AOPEP: variants seen among roughly 807,000 people sequenced by gnomAD.
AOPEP encodes aminopeptidase O (putative), also known as aminopeptidase O.
AOPEP carries 77 observed loss-of-function variants against 98.1 expected under a neutral mutation model. The observed-to-expected ratio is 0.78, with a 90% CI of 0.65 to 0.95. The LOEUF (loss-of-function observed/expected upper bound fraction) is 0.95. Among genes scored for constraint, AOPEP ranks in the 40% least tolerant of loss-of-function variants. The pLI is 0.00. For missense variants in AOPEP, 1,024 were observed against 1,024.7 expected (o/e 1.00, Z 0.01); for synonymous variants, 346 against 365.3 (o/e 0.95, Z 0.60).
At chr9:94,962,049 G>A (rs140887804) in intron 9 of AOPEP, among the ~76,000 whole-genome samples, 31 of 152,312 alleles carry the variant, frequency 2.0e-4, no homozygotes, top group Admixed American at 1.2e-3. Context: ...AAGCTCCACT[G>A]GAGTTGTATA....
At chr9:94,876,272 T>G (rs2046923163) in intron 5 of AOPEP, among the ~76,000 whole-genome samples, 1 of 152,114 alleles carries the variant, frequency 6.6e-6, no homozygotes, top group South Asian at 2.1e-4. Flanking sequence ...TGACAAAACC[T>G]TGGAAAACCC....
intron 1 of AOPEP, among the ~76,000 whole-genome samples, chr9:94,729,654 T>C (rs1315039624): frequency 6.6e-5 from 10 of 151,990 alleles, no homozygotes; most frequent in Admixed American, 6.6e-4. Flanking sequence ...AATTCTCTGC[T>C]GTGGGGGGCT....
chr9:95,012,951 C>T (rs1251300573), intron 13 of AOPEP, among the ~76,000 whole-genome samples: 1 of 87,376 alleles, frequency 1.1e-5, no homozygotes, highest in Non-Finnish European at 2.2e-5. Flanking sequence ...AGGTTTTCAT[C>T]AAAGTATATT....
At chr9:95,046,346 G>C (rs1436439378) in intron 13 of AOPEP, among the ~76,000 whole-genome samples, 1 of 152,208 alleles carries the variant, frequency 6.6e-6, no homozygotes, top group Non-Finnish European at 1.5e-5. Flanking sequence ...TTGTGTGAGC[G>C]ATGAGGCTGA....
At chr9:95,128,097 G>A in the AOPEP span, among the ~76,000 whole-genome samples, 13 of 152,150 alleles carry the variant, frequency 8.5e-5, no homozygotes, top group Admixed American at 3.3e-4. Flanking sequence ...AGGTTATTTC[G>A]TGGCTTCGAA....
At chr9:94,897,383 T>C (rs1264907925) in intron 5 of AOPEP, among the ~76,000 whole-genome samples, 1 of 152,152 alleles carries the variant, frequency 6.6e-6, no homozygotes, top group African/African-American at 2.4e-5. Flanking sequence ...TTTGGAAATT[T>C]AGCTGCATAC....
downstream of AOPEP, among the ~76,000 whole-genome samples, chr9:95,088,471 A>T (rs939869662): frequency 1.1e-4 from 17 of 151,998 alleles, no homozygotes; most frequent in African/African-American, 3.9e-4. Flanking sequence ...GGCCTCCCAA[A>T]GTGCCGGGAT....
chr9:95,135,426 G>A, the AOPEP span: 2 of 1,613,872 alleles, frequency 1.2e-6, no homozygotes, highest in South Asian at 2.2e-5. Context: ...AAAAGATGCA[G>A]CATTGCTTTT....
intron 7 of AOPEP, among the ~76,000 whole-genome samples, chr9:94,929,521 G>A (rs1363195954): frequency 6.6e-6 from 1 of 152,284 alleles, no homozygotes; most frequent in African/African-American, 2.4e-5. Flanking sequence ...CCCTGCGCTT[G>A]CACGCTAAGG....
At chr9:94,731,644 T>C (rs1018226634) in intron 1 of AOPEP, among the ~76,000 whole-genome samples, 3 of 152,164 alleles carry the variant, frequency 2.0e-5, no homozygotes, top group Non-Finnish European at 4.4e-5. Context: ...CTATGTGATA[T>C]ACTTTTAGAG....
chr9:95,022,789 T>G (rs2063559052), intron 13 of AOPEP, among the ~76,000 whole-genome samples: 1 of 152,166 alleles, frequency 6.6e-6, no homozygotes, highest in Admixed American at 6.5e-5. Context: ...TGTAGTTTTC[T>G]TAGCAGGAAA....
chr9:94,762,991 C>T (rs898309135), intron 2 of AOPEP: 13 of 238,740 alleles, frequency 5.4e-5, no homozygotes, highest in African/African-American at 1.2e-4. Flanking sequence ...TATTCCTCCA[C>T]GGGACAGAGT....
the AOPEP span, among the ~76,000 whole-genome samples, chr9:95,122,567 C>G: frequency 1.3e-5 from 2 of 152,188 alleles, no homozygotes; most frequent in African/African-American, 4.8e-5. Flanking sequence ...CACACCAGGA[C>G]CCAGTGTGTG....
intron 11 of AOPEP, among the ~76,000 whole-genome samples, chr9:94,994,946 A>G (rs781336204): frequency 6.6e-6 from 1 of 152,214 alleles, no homozygotes; most frequent in Non-Finnish European, 1.5e-5. Flanking sequence ...GTGAAACTCC[A>G]TCTCAAAAAC....
intron 5 of AOPEP, chr9:94,824,596 T>C (rs966486044): frequency 6.6e-6 from 1 of 152,196 alleles, no homozygotes; most frequent in Admixed American, 6.5e-5. Context: ...GAGTGTGTTA[T>C]TGAGAGCATT....
At chr9:95,049,774 T>G (rs2066178749) in intron 13 of AOPEP, among the ~76,000 whole-genome samples, 1 of 152,174 alleles carries the variant, frequency 6.6e-6, no homozygotes, top group Non-Finnish European at 1.5e-5. Context: ...ACATCTTAGG[T>G]TTTAATCATG....
At chr9:94,738,624 C>A (rs28647286) in intron 1 of AOPEP, among the ~76,000 whole-genome samples, 33,153 of 152,044 alleles carry the variant, frequency 0.22, 5,097 homozygotes, top group African/African-American at 0.43. Flanking sequence ...CCCAGGCTGG[C>A]ATGCAGTGGC....
At chr9:94,752,406 G>C (rs1228062353) in intron 1 of AOPEP, among the ~76,000 whole-genome samples, 1 of 151,938 alleles carries the variant, frequency 6.6e-6, no homozygotes, top group African/African-American at 2.4e-5. Flanking sequence ...ATGTACCAGG[G>C]AGAAAGAACA....
At chr9:94,999,086 A>G (rs1470860102) in intron 11 of AOPEP, among the ~76,000 whole-genome samples, 1 of 152,130 alleles carries the variant, frequency 6.6e-6, no homozygotes, top group African/African-American at 2.4e-5. Flanking sequence ...TCTTAGAACC[A>G]TAAGATTTTC....
Sources: gnomAD v4.1 joint callset for allele counts (sites outside exome capture counted in the v4.1 genomes callset) on GRCh38, gnomAD v4.1.1 for gene constraint, MANE v1.5 for transcripts, NCBI Gene and HGNC (gene_info 2026-07-23, HGNC 2026-07-21) for gene names.